The following GPC3 variants were observed in gnomAD, a reference collection of about 807,000 sequenced individuals.
GPC3 encodes glypican 3.
A neutral mutation model predicts 34.4 loss-of-function variants in GPC3; 3 were observed. The observed-to-expected ratio is 0.09, with a 90% CI of 0.04 to 0.23. The LOEUF (loss-of-function observed/expected upper bound fraction) is 0.23. Ranked by LOEUF, GPC3 falls within the 10% of genes least tolerant of loss-of-function variation. The pLI is 1.00. For missense variants in GPC3, 351 were observed against 445.6 expected, an observed-to-expected ratio of 0.79 and a Z score of 1.91; for synonymous variants, 177 against 174.0, an observed-to-expected ratio of 1.02 and a Z score of -0.13.
intron 2 of GPC3, among the ~76,000 whole-genome samples, chrX:133,940,569 CTT>C (rs2076341444): frequency 9.0e-6 from 1 of 111,628 alleles, no homozygotes; most frequent in Non-Finnish European, 1.9e-5. Flanking sequence ...GATTAGTTAA[CTT>C]TATTTCTCCT....
intron 5 of GPC3, among the ~76,000 whole-genome samples, chrX:133,688,522 C>T (rs193278195): frequency 3.6e-5 from 4 of 111,736 alleles, no homozygotes; most frequent in East Asian, 2.8e-4. Context: ...GTTGAGTGAT[C>T]GATACATCCA....
chrX:133,778,782 G>A (rs1442928608), intron 2 of GPC3, among the ~76,000 whole-genome samples: 2 of 111,575 alleles, frequency 1.8e-5, no homozygotes, highest in Admixed American at 9.6e-5. Context: ...TACAGGGCCC[G>A]TGGCTGATTC....
At chrX:133,919,520 G>A (rs1427011451) in intron 2 of GPC3, among the ~76,000 whole-genome samples, 2 of 111,599 alleles carry the variant, frequency 1.8e-5, no homozygotes, top group Non-Finnish European at 3.8e-5. Flanking sequence ...GGTAAAGGAA[G>A]AGAGGGCTAA....
At chrX:133,685,757 G>C (rs1276787354) in intron 5 of GPC3, among the ~76,000 whole-genome samples, 1 of 95,484 alleles carries the variant, frequency 1.0e-5, no homozygotes, top group Non-Finnish European at 2.1e-5. Flanking sequence ...TCATAACATA[G>C]TTTTTTTTTT....
At chrX:133,796,333 A>G (rs139500853) in intron 2 of GPC3, among the ~76,000 whole-genome samples, 1,298 of 112,264 alleles carry the variant, frequency 0.012, 6 homozygotes, top group Non-Finnish European at 0.019. Flanking sequence ...GATAGAGTTA[A>G]AAGTACCACA....
intron 5 of GPC3, among the ~76,000 whole-genome samples, chrX:133,683,072 A>G (rs2070961918): frequency 9.0e-6 from 1 of 110,842 alleles, no homozygotes; most frequent in Admixed American, 9.6e-5. Flanking sequence ...GGGTCTTCTC[A>G]CTGAAGACCT....
chrX:133,880,274 C>G (rs2076035972), intron 2 of GPC3, among the ~76,000 whole-genome samples: 1 of 112,112 alleles, frequency 8.9e-6, no homozygotes, highest in Admixed American at 9.5e-5. Context: ...CTCACTCAAC[C>G]TCAACAACAT....
At chrX:133,591,686 T>C (rs896956062) in intron 7 of GPC3, among the ~76,000 whole-genome samples, 2 of 112,316 alleles carry the variant, frequency 1.8e-5, no homozygotes, top group African/African-American at 6.5e-5. Flanking sequence ...ACCATGGATG[T>C]AATCTATTTA....
intron 4 of GPC3, 120 bp from the exon 5 acceptor site, chrX:133,692,614 T>C (rs1355891202): frequency 6.7e-6 from 4 of 592,731 alleles, no homozygotes; most frequent in Non-Finnish European, 1.1e-5. Flanking sequence ...AATAAATGAC[T>C]TTTAAAGACA....
intron 6 of GPC3, among the ~76,000 whole-genome samples, chrX:133,619,313 C>A (rs1334744458): frequency 8.9e-6 from 1 of 112,100 alleles, no homozygotes; most frequent in Admixed American, 9.4e-5. Context: ...TACATATAAT[C>A]CAGCAATTCT....
chrX:133,902,152 C>T (rs1002504109), intron 2 of GPC3, among the ~76,000 whole-genome samples: 1 of 112,362 alleles, frequency 8.9e-6, no homozygotes, highest in African/African-American at 3.2e-5. Flanking sequence ...TGAGCCTTTG[C>T]TATTTTATTA....
In GPC3 at chrX:133,646,083, CAA is replaced by C. The variant is rs199725073; in HGVS notation, c.1413+15645_1413+15646del. 8.5e-3 allele frequency among the ~76,000 whole-genome samples: 495 copies of C among 58,254 alleles called. 4 individuals carry two copies. The highest frequency in any genetic ancestry group is 0.02 in the African/African-American group (409 of 20,403). The allele number at this position is 58,254 out of a possible 115,157, so 50.6% of individuals were successfully genotyped here. ...CTATAGTACTATAAGAAAACAAAGA[CAA>C]AAAAAAAAAAAAAAAGATTGTGAGT... On this transcript the variant is annotated intron_variant, in intron 6 of 7. Transcript: ENST00000370818.
intron 2 of GPC3, among the ~76,000 whole-genome samples, chrX:133,944,084 A>G (rs1321770059): frequency 3.7e-5 from 4 of 109,040 alleles, no homozygotes; most frequent in Non-Finnish European, 7.6e-5. Context: ...GTGAGAGTGT[A>G]TGTATATATA....
At chrX:133,926,426 T>C (rs2076274935) in intron 2 of GPC3, among the ~76,000 whole-genome samples, 1 of 112,087 alleles carries the variant, frequency 8.9e-6, no homozygotes, top group South Asian at 3.8e-4. Flanking sequence ...CTGACTTCTG[T>C]GAAAACAGAA....
chrX:133,756,583 G>A (rs1345912440), intron 2 of GPC3, among the ~76,000 whole-genome samples: 1 of 112,650 alleles, frequency 8.9e-6, no homozygotes, highest in East Asian at 2.8e-4. Flanking sequence ...TGTGCAAGAT[G>A]TACAACAGCA....
chrX:133,958,724 CAAAA>C (rs1180723052), intron 1 of GPC3, among the ~76,000 whole-genome samples: 3 of 76,471 alleles, frequency 3.9e-5, no homozygotes, highest in African/African-American at 1.4e-4. Flanking sequence ...AAAAAAAAAA[CAAAA>C]AAAAAAAACA....
At chrX:133,648,770 G>A (rs1569405232) in intron 6 of GPC3, among the ~76,000 whole-genome samples, 1 of 111,958 alleles carries the variant, frequency 8.9e-6, no homozygotes, top group Non-Finnish European at 1.9e-5. Flanking sequence ...GTACTTTCAT[G>A]TCTTTGAGCC....
At chrX:133,683,132 C>T (rs1205011933) in intron 5 of GPC3, among the ~76,000 whole-genome samples, 1 of 110,660 alleles carries the variant, frequency 9.0e-6, no homozygotes, top group Non-Finnish European at 1.9e-5. Context: ...AACTTGTAGA[C>T]GGCAGGGATC....
At chrX:133,655,482 A>C (rs916238144) in intron 6 of GPC3, among the ~76,000 whole-genome samples, 2 of 107,156 alleles carry the variant, frequency 1.9e-5, no homozygotes, top group African/African-American at 7.0e-5. Flanking sequence ...ACACCCACAC[A>C]CACACACACA....
Sources: allele counts gnomAD v4.1 joint callset (sites outside exome capture counted in the v4.1 genomes callset), GRCh38; gene constraint gnomAD v4.1.1; transcripts MANE v1.5; gene names NCBI Gene and HGNC (gene_info 2026-07-23, HGNC 2026-07-21).